The following CAMTA1 variants were observed in gnomAD, a reference collection of about 807,000 sequenced individuals.
CAMTA1 encodes the protein calmodulin-binding transcription activator 1.
In CAMTA1, 27 loss-of-function variants were observed where a neutral mutation model predicts 170.9. The observed-to-expected ratio is 0.16, with a 90% CI of 0.12 to 0.22. The LOEUF is 0.22. Ranked by LOEUF, CAMTA1 falls within the 10% of genes least tolerant of loss-of-function variation. The pLI is 1.00. For synonymous variants in CAMTA1, 833 were observed against 891.5 expected, an observed-to-expected ratio of 0.93 and a Z score of 1.17; for missense variants, 1,619 against 2,217.2, an observed-to-expected ratio of 0.73 and a Z score of 5.42.
chr1:7,220,588 C>T (rs913355600), intron 4 of CAMTA1, among the ~76,000 whole-genome samples: 2 of 152,154 alleles, frequency 1.3e-5, no homozygotes, highest in African/African-American at 4.8e-5. Context: ...TTCTCTTGTT[C>T]TCTGTGGGTT....
intron 6 of CAMTA1, among the ~76,000 whole-genome samples, chr1:7,527,434 T>C (rs1446507122): frequency 6.6e-6 from 1 of 152,150 alleles, no homozygotes; most frequent in Admixed American, 6.5e-5. Context: ...GGCCTCAAAA[T>C]ACAGAGCAGC....
intron 3 of CAMTA1, among the ~76,000 whole-genome samples, chr1:6,983,191 A>G (rs1243072803): frequency 6.6e-6 from 1 of 152,200 alleles, no homozygotes; most frequent in African/African-American, 2.4e-5. Context: ...ATCTAAGAGT[A>G]TGTGCGGGGA....
chr1:7,715,333 T>G (rs536407032), intron 11 of CAMTA1, among the ~76,000 whole-genome samples: 25 of 152,284 alleles, frequency 1.6e-4, no homozygotes, highest in Non-Finnish European at 3.2e-4. Flanking sequence ...TTCCATTATT[T>G]AACCATTCCG....
intron 6 of CAMTA1, among the ~76,000 whole-genome samples, chr1:7,553,274 A>C (rs1030103331): frequency 1.3e-5 from 2 of 151,668 alleles, no homozygotes; most frequent in Non-Finnish European, 2.9e-5. Flanking sequence ...TGAATAATTG[A>C]GTGAGTGAAT....
Position 7,113,995 on chromosome 1 carries a change from C to A in CAMTA1, c.302+22624C>A, listed in dbSNP as rs958202000. On this transcript the variant is annotated intron_variant, in intron 4 of 22. Transcript: ENST00000303635. The surrounding 1 kb of genome is among the most constrained non-coding windows in gnomAD (Gnocchi z 4.5). ...CAGGGCTGGCCTTCCCTCTTCACAG[C>A]CCCTCCCACCACTGCTGTAACCCAC... Among the ~76,000 whole-genome samples the A allele has an allele frequency of 6.6e-6, 1 of 152,196 alleles. No homozygotes were observed. The highest frequency in any genetic ancestry group is 2.4e-5 in the African/African-American group (1 of 41,458).
chr1:7,386,014 C>G (rs2087923502), intron 5 of CAMTA1, among the ~76,000 whole-genome samples: 2 of 152,196 alleles, frequency 1.3e-5, no homozygotes, highest in Admixed American at 6.5e-5. Flanking sequence ...GAAGCCCACC[C>G]TGGCTCCTCC....
chr1:7,666,569 C>T (rs548529233), intron 9 of CAMTA1, among the ~76,000 whole-genome samples: 1 of 152,338 alleles, frequency 6.6e-6, no homozygotes, highest in South Asian at 2.1e-4. Context: ...TAACCTAGTG[C>T]AGACAAGCAC....
At chr1:7,497,039 C>G (rs540015583) in intron 6 of CAMTA1, among the ~76,000 whole-genome samples, 1 of 151,966 alleles carries the variant, frequency 6.6e-6, no homozygotes, top group African/African-American at 2.4e-5. Flanking sequence ...AGAAAAATAG[C>G]TGAGGCCACC....
At chr1:7,199,572 C>T (rs894591355) in intron 4 of CAMTA1, among the ~76,000 whole-genome samples, 3 of 152,208 alleles carry the variant, frequency 2.0e-5, no homozygotes, top group Admixed American at 6.5e-5. Context: ...TGGAAGAATT[C>T]TTCCCTCCCA....
chr1:7,071,068 G>A lies in CAMTA1; in HGVS notation c.235-20236G>A, dbSNP rs543840730. Among the ~76,000 whole-genome samples, 121 of 152,188 alleles carry A rather than the reference G, an allele frequency of 8.0e-4. 1 individual carries two copies. Among genetic ancestry groups the A allele is most frequent in the Non-Finnish European group, 1.4e-3 (93 of 68,030 alleles). ...AGAGAGAGTGTGCCAGTCAGAGCCC[G>A]CAGACTGATGGCTTGCTTAGGAGTA... On this transcript the variant is annotated intron_variant, in intron 3 of 22. Transcript: ENST00000303635.
chr1:7,195,462 G>A lies in CAMTA1; in HGVS notation c.303-54029G>A, dbSNP rs1190476324. ...AGGAGTGCAGACTCCCCAGCTGCCC[G>A]TAGTGACCATGGGGCACAAGCAGGG... is the stretch of plus-strand genomic sequence containing the variant. On this transcript the variant is annotated intron_variant, in intron 4 of 22. Coordinates refer to ENST00000303635, the MANE Select transcript of CAMTA1 (RefSeq NM_015215.4). This position sits in a 1 kb window ranked among gnomAD's most constrained non-coding sequence, Gnocchi z 4.1. 6.6e-6 allele frequency among the ~76,000 whole-genome samples: 1 copy of A among 152,168 alleles called. No homozygotes were observed. The highest frequency in any genetic ancestry group is 6.5e-5 in the Admixed American group (1 of 15,282).
rs1025075310 is a variant in CAMTA1 at position 7,547,884 on chromosome 1, C to A, written c.510+79983C>A. 2.6e-5 allele frequency among the ~76,000 whole-genome samples: 4 copies of A among 152,014 alleles called. No individual in the cohort carries two copies. Among genetic ancestry groups the A allele is most frequent in the Non-Finnish European group, 5.9e-5 (4 of 67,994 alleles). ...TTGCAAGGGCACTCCACTGTGTGGACCCCCCACTCACCCGTCAATATGCCC... is the reference window on the plus strand; with the variant it reads ...TTGCAAGGGCACTCCACTGTGTGGAACCCCCACTCACCCGTCAATATGCCC... On this transcript the variant is annotated intron_variant, in intron 6 of 22. Coordinates refer to ENST00000303635, the MANE Select transcript of CAMTA1 (RefSeq NM_015215.4). This position sits in a 1 kb window ranked among gnomAD's most constrained non-coding sequence, Gnocchi z 5.7.
chr1:7,718,505 A>G (rs1030993304), intron 11 of CAMTA1, among the ~76,000 whole-genome samples: 1 of 149,102 alleles, frequency 6.7e-6, no homozygotes, highest in Admixed American at 6.7e-5. Flanking sequence ...TCACGCCTTC[A>G]TGTCCAGGTT....
At position 7,445,184 on chromosome 1, in the gene CAMTA1, C is replaced by T. The variant is rs1282459040; in HGVS notation, c.439-22646C>T. ...AGGAATGTGCAGTAGCTTGGTGTGG[C>T]CTGGACAGATGGGGAGAGAGGGAAG... On this transcript the variant is annotated intron_variant, in intron 5 of 22. Transcript: ENST00000303635. Among the ~76,000 whole-genome samples, 3 of 151,512 alleles carry T rather than the reference C, an allele frequency of 2.0e-5. No homozygotes were observed. In the East Asian group the frequency reaches 5.9e-4, roughly 30 times the overall value.
chr1:7,520,332 G>T (rs979329618), intron 6 of CAMTA1, among the ~76,000 whole-genome samples: 14 of 140,092 alleles, frequency 1.0e-4, no homozygotes, highest in African/African-American at 3.5e-4. Context: ...GTCCTGTGGG[G>T]TCTATGGACC....
At chr1:7,695,244 G>A (rs957322400) in intron 11 of CAMTA1, among the ~76,000 whole-genome samples, 9 of 152,128 alleles carry the variant, frequency 5.9e-5, no homozygotes, top group Admixed American at 2.6e-4. Flanking sequence ...AATGACTGAC[G>A]CATTCATCAT....
At chr1:6,974,666 C>T (rs924347571) in intron 3 of CAMTA1, among the ~76,000 whole-genome samples, 2 of 152,182 alleles carry the variant, frequency 1.3e-5, no homozygotes, top group African/African-American at 2.4e-5. Flanking sequence ...ACCTGCCGCA[C>T]GGACGTCCTG....
chr1:7,581,147 G>A (rs907448249), intron 6 of CAMTA1, among the ~76,000 whole-genome samples: 2 of 152,194 alleles, frequency 1.3e-5, no homozygotes, highest in Non-Finnish European at 2.9e-5. Context: ...GAGAGGACAA[G>A]TTTGAGGGGT....
In CAMTA1 at chr1:7,704,919, A is replaced by G. The variant is rs1577043873; in HGVS notation, c.2914+27186A>G. 2.7e-5 allele frequency among the ~76,000 whole-genome samples: 3 copies of G among 110,920 alleles called. No individual in the cohort carries two copies. In the South Asian group the frequency reaches 9.0e-4, roughly 33 times the overall value. 72.8% of individuals were successfully genotyped at this position (110,920 alleles called of 152,430 possible). A position where few individuals can be genotyped will look rare whatever the true frequency, so the allele number is the denominator to read the frequency against. On this transcript the variant is annotated intron_variant, in intron 11 of 22. Coordinates refer to ENST00000303635, the MANE Select transcript of CAMTA1 (RefSeq NM_015215.4). ...GGTAGGTGCGCGGCGGCGCGGGGCTAGGCGGAGGGCGCGTGCGGTCGAGGG... is the reference window on the plus strand; with the variant it reads ...GGTAGGTGCGCGGCGGCGCGGGGCTGGGCGGAGGGCGCGTGCGGTCGAGGG...
Sources: allele counts gnomAD v4.1 joint callset (sites outside exome capture counted in the v4.1 genomes callset), GRCh38; gene constraint gnomAD v4.1.1; non-coding constraint Gnocchi (gnomAD v3.1); transcripts MANE v1.5; gene names NCBI Gene and HGNC (gene_info 2026-07-23, HGNC 2026-07-21).